LMO7: variants seen among roughly 807,000 people sequenced by gnomAD.
LMO7 encodes the protein LIM domain only protein 7.
Under a neutral mutation model 206.5 loss-of-function variants are expected in LMO7, and 120 were observed. The observed-to-expected ratio is 0.58, with a 90% CI of 0.50 to 0.68. The LOEUF (loss-of-function observed/expected upper bound fraction) is 0.68. Ranked by LOEUF, LMO7 falls within the 30% of genes least tolerant of loss-of-function variation. The probability of loss-of-function intolerance (pLI) is 0.00; values close to 1 mark genes in which losing one functional copy is unlikely to be tolerated. For missense variants in LMO7, 1,959 were observed against 1,957.9 expected (o/e 1.00, Z -0.01); for synonymous variants, 706 against 681.5 (o/e 1.04, Z -0.56).
chr13:75,768,604 C>G (rs1262169518), intron 4 of LMO7, among the ~76,000 whole-genome samples: 1 of 152,032 alleles, frequency 6.6e-6, no homozygotes, highest in Non-Finnish European at 1.5e-5. Flanking sequence ...GTCAGTGACA[C>G]CAAATCTAAC....
intron 18 of LMO7, among the ~76,000 whole-genome samples, 167 bp from the exon 19 acceptor site, chr13:75,836,230 T>C (rs745957332): frequency 2.6e-5 from 4 of 152,188 alleles, no homozygotes; most frequent in Non-Finnish European, 5.9e-5. Context: ...TATTGAAGTA[T>C]AATGAAAAAA....
chr13:75,646,706 C>T lies in LMO7; in HGVS notation c.69+9980C>T, dbSNP rs200261582. On this transcript the variant is annotated intron_variant, in intron 1 of 30. Transcript: ENST00000377534. ...TCAAGCGATTCTCCTGCCTCAGCCTCCCAAGTAGCTGGGATTACAGGCATG... is the reference window on the plus strand; with the variant it reads ...TCAAGCGATTCTCCTGCCTCAGCCTTCCAAGTAGCTGGGATTACAGGCATG... Among the ~76,000 whole-genome samples, 11 of 152,286 alleles carry T rather than the reference C, an allele frequency of 7.2e-5. No homozygotes were observed. In the East Asian group the frequency reaches 2.1e-3, roughly 29 times the overall value.
At chr13:75,646,591 T>A (rs2037037974) in intron 1 of LMO7, among the ~76,000 whole-genome samples, 2 of 151,696 alleles carry the variant, frequency 1.3e-5, no homozygotes, top group South Asian at 4.2e-4. Context: ...TTTTTTTTTT[T>A]TTAATTTTTG....
At position 75,834,349 on chromosome 13, in the gene LMO7, G is replaced by A. The variant is rs756060057; in HGVS notation, c.3188G>A (p.Gly1063Glu). 3.7e-6 allele frequency: 6 copies of A among 1,609,086 alleles called. No individual in the cohort carries two copies. In the African/African-American group the frequency reaches 6.7e-5, roughly 18 times the overall value. The stretch of plus-strand genomic sequence containing the variant: ...GCCATGGCTAAGGCTCAAGAAACTG[G>A]ACACCTAGTGATGGATGTGAGGCGC... ...EEAMAKAQET[G>E]HLVMDVRRYG... Residue 1063 changes from glycine (G) to glutamate (E), a missense_variant, in exon 17 of 31, where the codon GGA becomes GAA. Gly to Glu is a moderately conservative substitution (Grantham distance 98). Coordinates refer to ENST00000377534, the MANE Select transcript of LMO7 (RefSeq NM_001306080.2).
chr13:75,700,119 G>T (rs943685933), intron 1 of LMO7, among the ~76,000 whole-genome samples: 3 of 152,116 alleles, frequency 2.0e-5, no homozygotes, highest in Non-Finnish European at 4.4e-5. Flanking sequence ...CCTGAACATC[G>T]CTGTTATCCT....
intron 3 of LMO7, among the ~76,000 whole-genome samples, chr13:75,753,523 A>T (rs539138832): frequency 6.6e-6 from 1 of 152,166 alleles, no homozygotes; most frequent in East Asian, 1.9e-4. Context: ...CCCAAATCTC[A>T]TCTTGAATTG....
chr13:75,764,076 T>A (rs1015230184), intron 4 of LMO7, among the ~76,000 whole-genome samples: 10 of 152,154 alleles, frequency 6.6e-5, no homozygotes, highest in African/African-American at 2.4e-4. Context: ...TTTTTTCAAG[T>A]GTGTTTGAAT....
chr13:75,779,657 G>A (rs1326017433), intron 4 of LMO7, among the ~76,000 whole-genome samples: 3 of 152,172 alleles, frequency 2.0e-5, no homozygotes, highest in African/African-American at 7.2e-5. Flanking sequence ...GCGTGCATGT[G>A]CATGCATTTG....
chr13:75,709,702 CT>C (rs2042933939), intron 1 of LMO7, among the ~76,000 whole-genome samples: 1 of 152,058 alleles, frequency 6.6e-6, no homozygotes, highest in Admixed American at 6.5e-5. Context: ...GATATTAGCC[CT>C]TTGTCAGATG....
At chr13:75,703,415 CACAG>C (rs1219298066) in intron 1 of LMO7, among the ~76,000 whole-genome samples, 1 of 152,084 alleles carries the variant, frequency 6.6e-6, no homozygotes, top group African/African-American at 2.4e-5. Flanking sequence ...TGAGTGCTTT[CACAG>C]ACACTCTCAT....
chr13:75,695,393 GCT>G (rs2041824524), intron 1 of LMO7, among the ~76,000 whole-genome samples: 2 of 152,140 alleles, frequency 1.3e-5, no homozygotes, highest in Admixed American at 1.3e-4. Flanking sequence ...ACGGAGTCTC[GCT>G]CTGTCGCCCA....
At chr13:75,637,490 G>A (rs2036063274) in intron 1 of LMO7, among the ~76,000 whole-genome samples, 1 of 152,150 alleles carries the variant, frequency 6.6e-6, no homozygotes. Context: ...AGGACTTCTA[G>A]CCGTTATTCC....
intron 3 of LMO7, among the ~76,000 whole-genome samples, chr13:75,758,942 T>C (rs1218047974): frequency 2.3e-4 from 35 of 152,178 alleles, no homozygotes; most frequent in Non-Finnish European, 1.5e-5. Context: ...ATTTTCACAC[T>C]GCTGTAAAGA....
chr13:75,785,121 A>G (rs975500765), intron 4 of LMO7, among the ~76,000 whole-genome samples: 3 of 152,184 alleles, frequency 2.0e-5, no homozygotes, highest in African/African-American at 7.2e-5. Context: ...GATTTAGGAA[A>G]GAAATTATTG....
chr13:75,759,579 T>C (rs1249501276), intron 3 of LMO7, among the ~76,000 whole-genome samples: 3 of 152,190 alleles, frequency 2.0e-5, no homozygotes, highest in Admixed American at 1.3e-4. Flanking sequence ...CTTCATCTTA[T>C]TTAAAACGAT....
chr13:75,851,041 A>G (rs942359547), intron 27 of LMO7, among the ~76,000 whole-genome samples: 19 of 152,216 alleles, frequency 1.2e-4, no homozygotes, highest in East Asian at 3.9e-4. Context: ...ATCTCGCACC[A>G]TGGCAATGCC....
chr13:75,796,869 T>C, intron 6 of LMO7, 120 bp downstream of exon 6: 1 of 659,706 alleles, frequency 1.5e-6, no homozygotes. Context: ...TCCGACTCTC[T>C]TTGTCCTACT....
At chr13:75,851,461 C>A (rs2060500794) in intron 27 of LMO7, among the ~76,000 whole-genome samples, 1 of 152,164 alleles carries the variant, frequency 6.6e-6, no homozygotes, top group Non-Finnish European at 1.5e-5. Context: ...CGGGTTAGGG[C>A]AGGTGAGTCG....
intron 19 of LMO7, among the ~76,000 whole-genome samples, chr13:75,837,906 GC>G: frequency 6.6e-6 from 1 of 152,120 alleles, no homozygotes; most frequent in Non-Finnish European, 1.5e-5. Context: ...CATGCTATAT[GC>G]TAAAGTTTAT....
Sources: allele counts gnomAD v4.1 joint callset (sites outside exome capture counted in the v4.1 genomes callset), GRCh38; gene constraint gnomAD v4.1.1; transcripts MANE v1.5; gene names NCBI Gene and HGNC (gene_info 2026-07-23, HGNC 2026-07-21).